The following KLRF1 variants were observed in gnomAD, a reference collection of about 807,000 sequenced individuals.
KLRF1 encodes killer cell lectin-like receptor subfamily F member 1.
A neutral mutation model predicts 30.7 loss-of-function variants in KLRF1; 27 were observed. The observed-to-expected ratio is 0.88, with a 90% CI of 0.65 to 1.21. The LOEUF (loss-of-function observed/expected upper bound fraction) is 1.21. Among genes scored for constraint, KLRF1 ranks in the 50% most tolerant of loss-of-function variants. The pLI, the probability that KLRF1 is intolerant of heterozygous loss-of-function variation, is 0.00. For synonymous variants in KLRF1, 92 were observed against 89.3 expected (o/e 1.03, Z -0.17); for missense variants, 246 against 259.3 (o/e 0.95, Z 0.35).
At chr12:9,811,010 C>T in the KLRF1 span, among the ~76,000 whole-genome samples, 43 of 152,198 alleles carry the variant, frequency 2.8e-4, 1 homozygote, top group African/African-American at 9.9e-4. Flanking sequence ...TTAAGCCACA[C>T]TTCCAGCAAT....
chr12:9,834,604 C>T (rs747550781), intron 3 of KLRF1, among the ~76,000 whole-genome samples: 97 of 151,898 alleles, frequency 6.4e-4, no homozygotes, highest in African/African-American at 2.1e-3. Flanking sequence ...GGCCTGGATA[C>T]GGTTTTGGAT....
the KLRF1 span, among the ~76,000 whole-genome samples, chr12:9,804,333 T>C: frequency 6.6e-6 from 1 of 151,972 alleles, no homozygotes; most frequent in Non-Finnish European, 1.5e-5. Flanking sequence ...ATATTCTTCT[T>C]TCAAGTCCTC....
At chr12:9,804,414 G>A in the KLRF1 span, among the ~76,000 whole-genome samples, 1 of 151,870 alleles carries the variant, frequency 6.6e-6, no homozygotes, top group Non-Finnish European at 1.5e-5. Context: ...ATAGTATTAT[G>A]TTAAGCAAAA....
the KLRF1 span, among the ~76,000 whole-genome samples, chr12:9,806,984 T>C: frequency 2.0e-5 from 3 of 152,122 alleles, no homozygotes; most frequent in African/African-American, 4.8e-5. Flanking sequence ...GCCTGGCCTA[T>C]GTCTTCTGTT....
intron 3 of KLRF1, among the ~76,000 whole-genome samples, chr12:9,837,612 T>C (rs750840550): frequency 6.6e-6 from 1 of 152,266 alleles, no homozygotes; most frequent in South Asian, 2.1e-4. Flanking sequence ...TTCCCCGGCT[T>C]TTCCTCTCAA....
At chr12:9,836,042 G>A (rs1333997805) in intron 3 of KLRF1, among the ~76,000 whole-genome samples, 1 of 152,008 alleles carries the variant, frequency 6.6e-6, no homozygotes. Context: ...CAGCTGTGTA[G>A]GCGCTGGAAG....
intron 3 of KLRF1, 35 bp from the exon 4 acceptor site, chr12:9,841,777 T>C: frequency 1.3e-6 from 2 of 1,551,562 alleles, no homozygotes; most frequent in Non-Finnish European, 1.8e-6. Flanking sequence ...GCATATGTAA[T>C]TTAATTTCAT....
At chr12:9,841,261 T>C (rs1232173605) in intron 3 of KLRF1, among the ~76,000 whole-genome samples, 2 of 151,922 alleles carry the variant, frequency 1.3e-5, no homozygotes, top group Admixed American at 6.6e-5. Flanking sequence ...AGCTAAATGA[T>C]GAGAACACAT....
At chr12:9,834,419 CG>C (rs1158560472) in intron 3 of KLRF1, among the ~76,000 whole-genome samples, 4 of 151,544 alleles carry the variant, frequency 2.6e-5, no homozygotes, top group African/African-American at 7.3e-5. Flanking sequence ...AATTTGGGTG[CG>C]GGGGGTAGCA....
the KLRF1 span, among the ~76,000 whole-genome samples, chr12:9,811,155 G>A: frequency 2.0e-5 from 3 of 151,056 alleles, no homozygotes; most frequent in Admixed American, 1.3e-4. Flanking sequence ...ATGAAAAGAA[G>A]CTGGAAGTAT....
chr12:9,818,708 C>T, the KLRF1 span, among the ~76,000 whole-genome samples: 1 of 152,254 alleles, frequency 6.6e-6, no homozygotes, highest in East Asian at 1.9e-4. Flanking sequence ...AAATGTTTTC[C>T]CCCTAAATTT....
the KLRF1 span, among the ~76,000 whole-genome samples, chr12:9,820,942 A>G: frequency 6.6e-6 from 1 of 152,274 alleles, no homozygotes. Context: ...CCCCTGGCTC[A>G]TGACCACAGA....
At chr12:9,841,234 T>A (rs1867694443) in intron 3 of KLRF1, among the ~76,000 whole-genome samples, 1 of 152,076 alleles carries the variant, frequency 6.6e-6, no homozygotes, top group African/African-American at 2.4e-5. Context: ...CATTGCATGT[T>A]CTCACTTACA....
the KLRF1 span, chr12:9,817,727 T>TC: frequency 4.6e-6 from 1 of 215,912 alleles, no homozygotes; most frequent in South Asian, 7.6e-5. Context: ...TTTTCCTCAG[T>TC]CACCCCATGA....
At chr12:9,812,360 G>A in the KLRF1 span, among the ~76,000 whole-genome samples, 3 of 93,168 alleles carry the variant, frequency 3.2e-5, no homozygotes, top group Non-Finnish European at 6.6e-5. Flanking sequence ...GCGAGACGCC[G>A]TCTCAGGAAA....
upstream of KLRF1, among the ~76,000 whole-genome samples, chr12:9,824,697 A>G (rs1016787593): frequency 1.3e-5 from 2 of 152,202 alleles, no homozygotes; most frequent in Non-Finnish European, 2.9e-5. Flanking sequence ...AGACCATATG[A>G]TTATATACCT....
intron 1 of KLRF1, among the ~76,000 whole-genome samples, chr12:9,831,384 G>A (rs984317807): frequency 5.3e-5 from 8 of 152,054 alleles, no homozygotes; most frequent in Non-Finnish European, 7.4e-5. Flanking sequence ...TCTTGACAGG[G>A]CTTGACAGCG....
chr12:9,842,006 T>C, intron 4 of KLRF1, 55 bp downstream of exon 4: 1 of 1,502,434 alleles, frequency 6.7e-7, no homozygotes, highest in Non-Finnish European at 9.0e-7. Context: ...ATGGCTTTCC[T>C]CAAATATCTT....
chr12:9,836,281 T>G (rs1482898244), intron 3 of KLRF1, among the ~76,000 whole-genome samples: 1 of 152,080 alleles, frequency 6.6e-6, no homozygotes, highest in Admixed American at 6.6e-5. Context: ...CAAAAACTAG[T>G]CATCCCTACT....
Sources: allele counts gnomAD v4.1 joint callset (sites outside exome capture counted in the v4.1 genomes callset), GRCh38; gene constraint gnomAD v4.1.1; transcripts MANE v1.5; gene names NCBI Gene and HGNC (gene_info 2026-07-23, HGNC 2026-07-21).